Variants in ERICH1 observed in about 807,000 individuals in gnomAD.
The protein encoded by ERICH1 is glutamate rich 1, also known as glutamate-rich protein 1.
In ERICH1, 56 loss-of-function variants were observed where a neutral mutation model predicts 39.6. The ratio of observed to expected loss-of-function variants is 1.41; its 90% CI spans 1.14 to 1.77. The LOEUF (loss-of-function observed/expected upper bound fraction) is 1.77. Ranked by LOEUF, ERICH1 falls within the 40% of genes most tolerant of loss-of-function variation. The pLI is 0.00. For synonymous variants in ERICH1, 313 were observed against 223.6 expected, an observed-to-expected ratio of 1.40 and a Z score of -3.57; for missense variants, 826 against 575.4, an observed-to-expected ratio of 1.44 and a Z score of -4.45.
chr8:729,157 C>T (rs529893000), intron 1 of ERICH1, among the ~76,000 whole-genome samples: 1 of 152,332 alleles, frequency 6.6e-6, no homozygotes, highest in South Asian at 2.1e-4. Flanking sequence ...GCCTGAGGGG[C>T]TCTGCCACAC....
chr8:687,616 G>C (rs1247262866), intron 3 of ERICH1, among the ~76,000 whole-genome samples: 1 of 152,174 alleles, frequency 6.6e-6, no homozygotes, highest in Non-Finnish European at 1.5e-5. Flanking sequence ...GGGTCCCTGT[G>C]GAGCGCAGCA....
intron 3 of ERICH1, among the ~76,000 whole-genome samples, chr8:619,596 T>C (rs1262664351): frequency 6.6e-6 from 1 of 152,188 alleles, no homozygotes; most frequent in Admixed American, 6.5e-5. Flanking sequence ...AGGAGATTAA[T>C]ATAACAAACT....
intron 3 of ERICH1, among the ~76,000 whole-genome samples, chr8:655,221 G>C (rs1009880400): frequency 5.3e-5 from 8 of 152,334 alleles, no homozygotes; most frequent in African/African-American, 1.9e-4. Flanking sequence ...GCAAGGACTT[G>C]GCTGTCTCTA....
intron 2 of ERICH1, among the ~76,000 whole-genome samples, chr8:698,790 T>C (rs868614466): frequency 1.3e-5 from 2 of 152,136 alleles, no homozygotes; most frequent in South Asian, 4.1e-4. Flanking sequence ...AAAAGTCTTT[T>C]GTCCATTTTG....
chr8:652,800 G>A (rs778036719), intron 3 of ERICH1, among the ~76,000 whole-genome samples: 2 of 152,160 alleles, frequency 1.3e-5, no homozygotes, highest in African/African-American at 4.8e-5. Context: ...GGACCGGAAT[G>A]GAAATTCTCC....
intron 3 of ERICH1, among the ~76,000 whole-genome samples, chr8:619,671 A>G (rs938962900): frequency 1.3e-5 from 2 of 152,220 alleles, no homozygotes; most frequent in Non-Finnish European, 2.9e-5. Context: ...GATTATATAC[A>G]GTAGTAATTA....
intron 2 of ERICH1, among the ~76,000 whole-genome samples, chr8:702,076 C>CAAAAAA (rs60476920): frequency 2.3e-5 from 2 of 88,134 alleles, no homozygotes; most frequent in Non-Finnish European, 2.1e-5. Context: ...GACTACATCT[C>CAAAAAA]AAAAAAAAAA....
At chr8:639,305 G>A (rs972714221) in intron 3 of ERICH1, among the ~76,000 whole-genome samples, 11 of 152,090 alleles carry the variant, frequency 7.2e-5, no homozygotes, top group African/African-American at 2.7e-4. Flanking sequence ...GAGCATCTGT[G>A]ACCCCAGGTC....
intron 3 of ERICH1, among the ~76,000 whole-genome samples, chr8:631,902 G>T (rs770241517): frequency 6.6e-6 from 1 of 152,106 alleles, no homozygotes; most frequent in Non-Finnish European, 1.5e-5. Context: ...GTTTCTAGAG[G>T]AAGATTTAAA....
chr8:664,664 A>C lies in ERICH1; in HGVS notation c.1271T>G (p.Val424Gly), dbSNP rs747802456. ...HCTMPPDHAR[V>G]ISAFFSYWIT... Reference sequence around the variant, plus strand: ...CCAGTAACTAAAGAAAGCTGAGATTACTCTGGCATGGTCTAGAAAGCAAAA... The same window carrying C: ...CCAGTAACTAAAGAAAGCTGAGATTCCTCTGGCATGGTCTAGAAAGCAAAA... The change falls in exon 6 of 6, where the codon GTA (valine) becomes GGA (glycine). Residue 424 changes from valine to glycine, a missense_variant. Physicochemically the swap from Val to Gly is moderately radical, Grantham distance 109. Transcript: ENST00000262109. The C allele has an allele frequency of 3.1e-6, 5 of 1,612,016 alleles. No individual in the cohort carries two copies. The highest frequency in any genetic ancestry group is 8.5e-7 in the Non-Finnish European group (1 of 1,179,320).
chr8:641,905 C>T (rs1300175702), intron 3 of ERICH1, among the ~76,000 whole-genome samples: 1 of 152,222 alleles, frequency 6.6e-6, no homozygotes, highest in Non-Finnish European at 1.5e-5. Flanking sequence ...CCCATCTCGT[C>T]CTCCAGTCTC....
chr8:697,035 T>C (rs1810473450), intron 2 of ERICH1, among the ~76,000 whole-genome samples: 1 of 152,196 alleles, frequency 6.6e-6, no homozygotes, highest in Admixed American at 6.5e-5. Flanking sequence ...GGGGATCTCC[T>C]GTCCTCAGGG....
intron 2 of ERICH1, among the ~76,000 whole-genome samples, chr8:714,887 T>C (rs1256893147): frequency 2.0e-5 from 3 of 152,180 alleles, no homozygotes; most frequent in Non-Finnish European, 1.5e-5. Context: ...CTCGGTGGGA[T>C]GTGCTGCACA....
At chr8:656,059 A>C (rs1800623637) in intron 3 of ERICH1, among the ~76,000 whole-genome samples, 1 of 151,950 alleles carries the variant, frequency 6.6e-6, no homozygotes, top group Admixed American at 6.6e-5. Flanking sequence ...GACTTCCCCA[A>C]ATCAGGCTGT....
At chr8:621,572 C>A (rs1423379482) in intron 3 of ERICH1, among the ~76,000 whole-genome samples, 1 of 151,304 alleles carries the variant, frequency 6.6e-6, no homozygotes, top group African/African-American at 2.4e-5. Context: ...TAAAAACCAG[C>A]AGAAGAAAGG....
Position 674,057 on chromosome 8 carries a change from A to G in ERICH1, c.305-10T>C, listed in dbSNP as rs1436502761. ...TCATGAGGATCCTGATCTGTTAAAAAAATTCAAATATAACAATTTTCAGTA... is the reference window on the plus strand; with the variant it reads ...TCATGAGGATCCTGATCTGTTAAAAGAATTCAAATATAACAATTTTCAGTA... On this transcript the variant is annotated splice_polypyrimidine_tract_variant and intron_variant, in intron 3 of 5. Transcript: ENST00000262109. The G allele has an allele frequency of 5.3e-6, 8 of 1,523,702 alleles. No individual in the cohort carries two copies. Among genetic ancestry groups the G allele is most frequent in the Non-Finnish European group, 7.0e-6 (8 of 1,149,778 alleles). 94.4% of individuals were successfully genotyped at this position (1,523,702 alleles called of 1,614,324 possible).
chr8:643,079 C>G, intron 3 of ERICH1, among the ~76,000 whole-genome samples: 1 of 152,216 alleles, frequency 6.6e-6, no homozygotes, highest in East Asian at 1.9e-4. Context: ...CCTCACGGCC[C>G]CAGGACATCG....
intron 3 of ERICH1, among the ~76,000 whole-genome samples, chr8:617,251 G>C (rs1307780351): frequency 6.6e-6 from 1 of 152,134 alleles, no homozygotes; most frequent in Admixed American, 6.5e-5. Context: ...TACTCCGATT[G>C]CTGGGAGCGT....
intron 1 of ERICH1, among the ~76,000 whole-genome samples, chr8:727,430 A>G (rs73178883): frequency 0.093 from 14,200 of 152,186 alleles, 834 homozygotes; most frequent in Middle Eastern, 0.19. Flanking sequence ...TGACAGGGAG[A>G]TGGTGAACAG....
Sources: allele counts gnomAD v4.1 joint callset (sites outside exome capture counted in the v4.1 genomes callset), GRCh38; gene constraint gnomAD v4.1.1; transcripts MANE v1.5; gene names NCBI Gene and HGNC (gene_info 2026-07-23, HGNC 2026-07-21).